Variants in DOCK5 observed in about 807,000 individuals in gnomAD.
The protein encoded by DOCK5 is dedicator of cytokinesis 5, also known as dedicator of cytokinesis protein 5.
DOCK5 carries 142 observed loss-of-function variants against 251.8 expected under a neutral mutation model. The ratio of observed to expected loss-of-function variants is 0.56; its 90% CI spans 0.49 to 0.65. The LOEUF (loss-of-function observed/expected upper bound fraction) is 0.65, where lower values mean the gene tolerates loss of function less well. Ranked by LOEUF, DOCK5 falls within the 30% of genes least tolerant of loss-of-function variation. DOCK5 has a pLI of 0.00. For synonymous variants in DOCK5, 842 were observed against 835.5 expected (o/e 1.01, Z -0.13); for missense variants, 2,111 against 2,312.3 (o/e 0.91, Z 1.79).
intron 1 of DOCK5, among the ~76,000 whole-genome samples, chr8:25,186,579 A>G (rs1309502467): frequency 1.3e-5 from 2 of 152,066 alleles, no homozygotes; most frequent in Non-Finnish European, 2.9e-5. Flanking sequence ...AGGTTTCGCC[A>G]TCTGGGCCAG....
chr8:25,285,530 T>C (rs1027106785), intron 5 of DOCK5, among the ~76,000 whole-genome samples: 9 of 152,186 alleles, frequency 5.9e-5, no homozygotes, highest in African/African-American at 2.2e-4. Context: ...TAAAGAACCC[T>C]GTGGCAGTCT....
chr8:25,187,363 ATT>A (rs1491252766), intron 1 of DOCK5, among the ~76,000 whole-genome samples: 1 of 132,936 alleles, frequency 7.5e-6, no homozygotes, highest in Admixed American at 7.4e-5. Flanking sequence ...ATGGGTGGAA[ATT>A]GTGTGTGTGT....
chr8:25,316,704 G>A (rs1033125538), intron 13 of DOCK5, among the ~76,000 whole-genome samples: 16 of 152,074 alleles, frequency 1.1e-4, no homozygotes, highest in African/African-American at 2.2e-4. Context: ...TTGAAAAACC[G>A]TCTGCCACTG....
chr8:25,395,604 G>A lies in DOCK5; in HGVS notation c.4589G>A (p.Ser1530Asn). 4.3e-6 allele frequency: 7 copies of A among 1,613,786 alleles called. No individual in the cohort carries two copies. The highest frequency in any genetic ancestry group is 5.9e-6 in the Non-Finnish European group (7 of 1,179,842). ...ETMELTNERISNCVQQHAWDR... is the reference protein window; with the variant it reads ...ETMELTNERINNCVQQHAWDR... ...ATGGAGCTGACCAACGAGAGGATCA[G>A]CAACTGTGTTCAGCAGCATGCCTGG... The change falls in exon 45 of 52, where the codon AGC becomes AAC. Residue 1530 changes from serine to asparagine, a missense_variant. Physicochemically the swap from Ser to Asn is conservative, Grantham distance 46. This residue lies in a region of DOCK5 where 1,717 missense variants were observed against 1,892.4 expected (regional missense o/e 0.91). Coordinates refer to ENST00000276440, the MANE Select transcript of DOCK5 (RefSeq NM_024940.8).
intron 2 of DOCK5, among the ~76,000 whole-genome samples, chr8:25,245,830 A>G (rs975761011): frequency 3.9e-5 from 6 of 152,138 alleles, no homozygotes; most frequent in Non-Finnish European, 5.9e-5. Flanking sequence ...GTGAGCCACC[A>G]TGCCTGGTGG....
chr8:25,205,292 T>C (rs972685121), intron 1 of DOCK5, among the ~76,000 whole-genome samples: 1 of 152,090 alleles, frequency 6.6e-6, no homozygotes, highest in African/African-American at 2.4e-5. Flanking sequence ...TTTCTCTTTC[T>C]CTCTCTATGC....
At chr8:25,407,263 G>A (rs1425675768) in intron 48 of DOCK5, among the ~76,000 whole-genome samples, 1 of 151,978 alleles carries the variant, frequency 6.6e-6, no homozygotes, top group Non-Finnish European at 1.5e-5. Flanking sequence ...TTACATTCTA[G>A]TAGTATATAG....
chr8:25,260,359 C>T (rs762547338), intron 2 of DOCK5, among the ~76,000 whole-genome samples: 6 of 152,064 alleles, frequency 3.9e-5, no homozygotes, highest in East Asian at 3.9e-4. Flanking sequence ...CGCCCACCCC[C>T]GCCCAGTCCC....
chr8:25,361,371 A>G (rs1452419036), intron 28 of DOCK5, among the ~76,000 whole-genome samples: 1 of 152,140 alleles, frequency 6.6e-6, no homozygotes, highest in Non-Finnish European at 1.5e-5. Context: ...GCACTTTGGG[A>G]GGCTGAGGCA....
intron 10 of DOCK5, 35 bp from the exon 11 acceptor site, chr8:25,304,220 A>G: frequency 1.9e-6 from 3 of 1,539,520 alleles, no homozygotes; most frequent in Non-Finnish European, 1.8e-6. Flanking sequence ...GCATGAAGCA[A>G]TTAGTTTCTT....
chr8:25,322,310 C>T (rs760253740), intron 16 of DOCK5, among the ~76,000 whole-genome samples: 2 of 152,198 alleles, frequency 1.3e-5, no homozygotes, highest in African/African-American at 4.8e-5. Context: ...GTAATGGAAG[C>T]GTAGCACAGC....
intron 1 of DOCK5, among the ~76,000 whole-genome samples, chr8:25,233,683 T>C (rs1399005018): frequency 1.3e-5 from 2 of 152,252 alleles, no homozygotes; most frequent in East Asian, 1.9e-4. Context: ...GGCACAGCTG[T>C]AATTTTGTTC....
At chr8:25,395,273 C>T (rs557134033) in intron 44 of DOCK5, among the ~76,000 whole-genome samples, 7 of 152,238 alleles carry the variant, frequency 4.6e-5, no homozygotes, top group South Asian at 4.1e-4. Context: ...GTAATGCGAG[C>T]GATGGAGAGT....
intron 40 of DOCK5, among the ~76,000 whole-genome samples, chr8:25,388,520 A>G (rs942214968): frequency 6.6e-6 from 1 of 152,208 alleles, no homozygotes; most frequent in Admixed American, 6.5e-5. Context: ...GTAATTTTCT[A>G]TTAGACTTTC....
chr8:25,336,067 A>G (rs971265267), intron 21 of DOCK5, among the ~76,000 whole-genome samples, 172 bp from the exon 22 acceptor site: 1 of 152,242 alleles, frequency 6.6e-6, no homozygotes, highest in African/African-American at 2.4e-5. Context: ...ATGGCAGATG[A>G]GGAAACTTAA....
chr8:25,328,960 C>T lies in DOCK5; in HGVS notation c.1904-3291C>T, dbSNP rs190185272. On this transcript the variant is annotated intron_variant, in intron 18 of 51. Coordinates refer to ENST00000276440, the MANE Select transcript of DOCK5 (RefSeq NM_024940.8). ...AAAAATCTTTCTTAAGCTCCTAAGT[C>T]GTGGACTTGTATTTTGAAAGCAGCT... Among the ~76,000 whole-genome samples, 4 of 152,258 alleles carry T rather than the reference C, an allele frequency of 2.6e-5. No homozygotes were observed. The East Asian group carries it at 5.8e-4, about 22-fold the overall frequency.
At chr8:25,367,117 C>A (rs552165304) in intron 31 of DOCK5, 147 bp downstream of exon 31, 2 of 686,972 alleles carry the variant, frequency 2.9e-6, no homozygotes, top group South Asian at 1.6e-5. Flanking sequence ...ACTTAATAGG[C>A]CTCACATTCA....
At chr8:25,275,181 A>T (rs1373923116) in intron 3 of DOCK5, among the ~76,000 whole-genome samples, 8 of 152,158 alleles carry the variant, frequency 5.3e-5, no homozygotes, top group Admixed American at 1.3e-4. Flanking sequence ...CTGAACCCAA[A>T]TTTTAATTTC....
At chr8:25,230,498 A>G (rs941992107) in intron 1 of DOCK5, among the ~76,000 whole-genome samples, 8 of 152,210 alleles carry the variant, frequency 5.3e-5, no homozygotes, top group African/African-American at 1.9e-4. Context: ...CTGCATACAT[A>G]TATAAATATC....
Sources: gnomAD v4.1 joint callset for allele counts (sites outside exome capture counted in the v4.1 genomes callset) on GRCh38, gnomAD v4.1.1 for gene constraint, gnomAD v4.1.1 regional missense constraint, MANE v1.5 for transcripts, NCBI Gene and HGNC (gene_info 2026-07-23, HGNC 2026-07-21) for gene names.